The following AKAP9 variants were observed in gnomAD, a reference collection of about 807,000 sequenced individuals.
AKAP9 encodes the protein A-kinase anchor protein 9.
Under a neutral mutation model 488.5 loss-of-function variants are expected in AKAP9, and 311 were observed. That is an observed-to-expected ratio of 0.64 (90% confidence interval 0.58 to 0.70). The LOEUF is 0.70. AKAP9 is among the 30% of genes least tolerant of loss of function. The pLI is 0.00. For synonymous variants in AKAP9, 1,462 were observed against 1,483.5 expected (o/e 0.99, Z 0.33); for missense variants, 4,215 against 4,374.5 (o/e 0.96, Z 1.03).
Position 92,079,272 on chromosome 7 carries a change from A to C in AKAP9, c.7139A>C (p.Glu2380Ala), listed in dbSNP as rs775472696. The C allele has an allele frequency of 5.6e-6, 9 of 1,614,106 alleles. No individual in the cohort carries two copies. In the South Asian group the frequency reaches 8.8e-5, roughly 16 times the overall value. Reference protein sequence around the residue: ...TSMNAHSLSEEADSLKHQLDV... With the variant: ...TSMNAHSLSEAADSLKHQLDV... ...ATGAATGCTCATTCCCTCTCAGAAG[A>C]AGCAGACAGTTTAAAACATCAATTG... The change falls in exon 31 of 50, where the codon GAA becomes GCA. Residue 2380 changes from glutamate to alanine, a missense_variant. Around this residue, in one of 5 missense-constraint regions of AKAP9, gnomAD observed 1,476 missense variants for 1,477.4 expected, o/e 1.00. Coordinates refer to ENST00000356239, the MANE Select transcript of AKAP9 (RefSeq NM_005751.5).
At chr7:92,033,485 G>A (rs1283245173) in intron 16 of AKAP9, among the ~76,000 whole-genome samples, 30 of 129,624 alleles carry the variant, frequency 2.3e-4, no homozygotes, top group Admixed American at 3.8e-4. Flanking sequence ...TGGCTCTGTC[G>A]CCCAGGCTGG....
Position 92,094,974 on chromosome 7 carries a change from T to C in AKAP9, c.9579-49T>C, listed in dbSNP as rs190741527. 3.9e-5 allele frequency: 62 copies of C among 1,581,672 alleles called. No homozygotes were observed. The African/African-American group carries it at 8.1e-4, about 21-fold the overall frequency. On this transcript the variant is annotated intron_variant, in intron 39 of 49. Transcript: ENST00000356239. ...AGCTGTTTTTCTCTCTCTCATTATA[T>C]GCTTCGTCAACATAGCTTTATGGAA...
At chr7:91,945,318 C>T (rs1354401472) in intron 1 of AKAP9, among the ~76,000 whole-genome samples, 2 of 152,118 alleles carry the variant, frequency 1.3e-5, no homozygotes, top group Admixed American at 1.3e-4. Flanking sequence ...ACCAGCCTGG[C>T]CAACATGGCA....
chr7:91,957,658 TC>T (rs1201981874), intron 1 of AKAP9, among the ~76,000 whole-genome samples: 1 of 152,190 alleles, frequency 6.6e-6, no homozygotes, highest in Non-Finnish European at 1.5e-5. Context: ...ATATATATTA[TC>T]CTCTGAGTCT....
intron 1 of AKAP9, among the ~76,000 whole-genome samples, chr7:91,948,860 C>T (rs1312655164): frequency 1.3e-5 from 2 of 148,148 alleles, no homozygotes; most frequent in African/African-American, 2.5e-5. Context: ...GTGATCTGCC[C>T]GCCTCAGCCT....
In AKAP9 at chr7:92,071,790, T is replaced by G. The variant is rs978871401; in HGVS notation, c.6612+781T>G. On this transcript the variant is annotated intron_variant, in intron 28 of 49. Coordinates refer to ENST00000356239, the MANE Select transcript of AKAP9 (RefSeq NM_005751.5). Reference sequence around the variant, plus strand: ...TGAACTTAAGCTGCTTTGAAAAATATAAGAATGATTTAGATATCAGCTAAA... The same window carrying G: ...TGAACTTAAGCTGCTTTGAAAAATAGAAGAATGATTTAGATATCAGCTAAA... 8.5e-5 allele frequency among the ~76,000 whole-genome samples: 13 copies of G among 152,302 alleles called. No individual in the cohort carries two copies. In the South Asian group the frequency reaches 2.5e-3, roughly 29 times the overall value.
intron 17 of AKAP9, 24 bp from the exon 18 acceptor site, chr7:92,040,650 T>TG (rs764160043): frequency 9.9e-6 from 14 of 1,417,996 alleles, no homozygotes; most frequent in South Asian, 3.9e-5. Context: ...TGAATTGTTT[T>TG]TTTTTTTTTT....
intron 2 of AKAP9, 61 bp from the exon 3 acceptor site, chr7:91,980,228 T>C: frequency 9.7e-7 from 1 of 1,031,084 alleles, no homozygotes; most frequent in Non-Finnish European, 1.5e-6. Context: ...AATGGTTTAG[T>C]AAAGTATGAT....
Position 92,052,746 on chromosome 7 carries a change from T to G in AKAP9, c.5389T>G (p.Ser1797Ala). Residue 1797 changes from serine to alanine, a missense_variant, in exon 22 of 50, where the codon TCT (serine) becomes GCT (alanine). This residue lies in a region of AKAP9 where 2,361 missense variants were observed against 2,430.0 expected (regional missense o/e 0.97). Transcript: ENST00000356239. ...HTRVTDESIP[S>A]YSGSDMPRND... ...TCTAGTTACAGATGAATCCATTCCC[T>G]CTTATTCTGGAAGTGATATGCCAAG... The G allele has an allele frequency of 6.2e-7, 1 of 1,612,526 alleles. No homozygotes were observed. The highest frequency in any genetic ancestry group is 8.5e-7 in the Non-Finnish European group (1 of 1,178,690).
At chr7:92,012,342 T>C (rs1562977792) in intron 8 of AKAP9, 87 bp from the exon 9 acceptor site, 17 of 1,216,804 alleles carry the variant, frequency 1.4e-5, no homozygotes, top group Non-Finnish European at 1.9e-5. Context: ...TTTAAACTCT[T>C]GTAGTCAGTA....
chr7:92,086,116 A>G, intron 36 of AKAP9, 112 bp from the exon 37 acceptor site: 2 of 884,602 alleles, frequency 2.3e-6, no homozygotes, highest in Non-Finnish European at 3.5e-6. Flanking sequence ...AAATAAAAGA[A>G]GTACACATGC....
Position 92,049,484 on chromosome 7 carries a change from G to A in AKAP9, c.5369-3242G>A, listed in dbSNP as rs1208818284. On this transcript the variant is annotated intron_variant, in intron 21 of 49. Coordinates refer to ENST00000356239, the MANE Select transcript of AKAP9 (RefSeq NM_005751.5). ...AAATTAGCCAGGCGTGGTGGTGGGC[G>A]CCTGTAGTCCCAGCTACTTGGGAGG... Among the ~76,000 whole-genome samples, 4 of 151,992 alleles carry A rather than the reference G, an allele frequency of 2.6e-5. No homozygotes were observed. In the East Asian group the frequency reaches 5.8e-4, roughly 22 times the overall value.
At chr7:91,957,105 A>G (rs1793119010) in intron 1 of AKAP9, among the ~76,000 whole-genome samples, 1 of 152,180 alleles carries the variant, frequency 6.6e-6, no homozygotes. Flanking sequence ...CATTTGCCCA[A>G]TTAAAAAAAT....
At position 92,070,835 on chromosome 7, in the gene AKAP9, A is replaced by C. The variant is rs1811612791; in HGVS notation, c.6508-70A>C. 6 of 1,205,846 alleles carry C rather than the reference A, an allele frequency of 5.0e-6. No individual in the cohort carries two copies. The Admixed American group carries it at 1.4e-4, about 28-fold the overall frequency. 74.7% of individuals were successfully genotyped at this position (1,205,846 alleles called of 1,614,324 possible). On this transcript the variant is annotated intron_variant, in intron 27 of 49. Transcript: ENST00000356239. ...AAAAAAAAAAAAAAAAGCAGACCAA[A>C]AAACAAAAAAAAACTGGATAATCAG...
chr7:92,062,189 T>C, intron 23 of AKAP9, 85 bp from the exon 24 acceptor site: 3 of 1,237,912 alleles, frequency 2.4e-6, no homozygotes, highest in East Asian at 4.7e-5. Flanking sequence ...TTGCTAACAG[T>C]ATACCTTTTG....
At chr7:92,020,983 A>C (rs1278404979) in intron 12 of AKAP9, among the ~76,000 whole-genome samples, 1 of 152,146 alleles carries the variant, frequency 6.6e-6, no homozygotes, top group Non-Finnish European at 1.5e-5. Context: ...CCTTGCTTTT[A>C]AAGTCTTCTG....
At chr7:91,990,054 A>T (rs568709117) in intron 3 of AKAP9, among the ~76,000 whole-genome samples, 1 of 152,204 alleles carries the variant, frequency 6.6e-6, no homozygotes, top group Admixed American at 6.5e-5. Context: ...CAGATCTTTA[A>T]GTTATCTGTA....
At position 92,102,725 on chromosome 7, in the gene AKAP9, G is replaced by C. The variant is rs143306820; in HGVS notation, c.11229G>C (p.Met3743Ile). Residue 3743 changes from methionine to isoleucine, a missense_variant, in exon 46 of 50, where the codon ATG (methionine) becomes ATC (isoleucine). This residue lies in a region of AKAP9 where 253 missense variants were observed against 266.8 expected (regional missense o/e 0.95). Transcript: ENST00000356239. ...EDATLALLAR[M>I]GGQPAFTDLE... Reference sequence around the variant, plus strand: ...CCACCTTGGCCCTGCTTGCCCGGATGGGGGGGCAGCCAGCTTTCACGGATC... The same window carrying C: ...CCACCTTGGCCCTGCTTGCCCGGATCGGGGGGCAGCCAGCTTTCACGGATC... The C allele has an allele frequency of 7.1e-5, 115 of 1,613,990 alleles. No individual in the cohort carries two copies. The highest frequency in any genetic ancestry group is 4.9e-4 in the Middle Eastern group (3 of 6,084).
chr7:91,965,316 C>G (rs1403915144), intron 1 of AKAP9, among the ~76,000 whole-genome samples: 3 of 152,184 alleles, frequency 2.0e-5, no homozygotes, highest in Admixed American at 2.0e-4. Context: ...GCTTATTTCA[C>G]TTAACATAGT....
Sources: gnomAD v4.1 joint callset for allele counts (sites outside exome capture counted in the v4.1 genomes callset) on GRCh38, gnomAD v4.1.1 for gene constraint, gnomAD v4.1.1 regional missense constraint, MANE v1.5 for transcripts, NCBI Gene and HGNC (gene_info 2026-07-23, HGNC 2026-07-21) for gene names.